TSPAN15: variants seen among roughly 807,000 people sequenced by gnomAD.
TSPAN15 encodes the protein tetraspanin-15.
In TSPAN15, 20 loss-of-function variants were observed where a neutral mutation model predicts 34.5. The observed-to-expected ratio is 0.58, with a 90% CI of 0.41 to 0.84. The LOEUF (loss-of-function observed/expected upper bound fraction) is 0.84. Among genes scored for constraint, TSPAN15 ranks in the 40% least tolerant of loss-of-function variants. The pLI, the probability that TSPAN15 is intolerant of heterozygous loss-of-function variation, is 0.00. For missense variants in TSPAN15, 313 were observed against 386.1 expected (o/e 0.81, Z 1.59); for synonymous variants, 155 against 153.9 (o/e 1.01, Z -0.05).
At chr10:69,539,514 G>A in the TSPAN15 span, among the ~76,000 whole-genome samples, 1 of 101,704 alleles carries the variant, frequency 9.8e-6, no homozygotes, top group Admixed American at 9.9e-5. Flanking sequence ...AGAAGAAGAA[G>A]AAGAAGAAGA....
chr10:69,527,921 G>A, the TSPAN15 span, among the ~76,000 whole-genome samples: 3 of 147,878 alleles, frequency 2.0e-5, no homozygotes, highest in African/African-American at 7.4e-5. Flanking sequence ...CTTTGATGAC[G>A]GTTATATATA....
the TSPAN15 span, among the ~76,000 whole-genome samples, chr10:69,526,708 G>C: frequency 3.6e-5 from 5 of 140,528 alleles, no homozygotes; most frequent in Admixed American, 7.7e-5. Context: ...GAGGATTGTT[G>C]GAGACTGGGA....
At chr10:69,511,343 G>C (rs1302419007), downstream of TSPAN15, among the ~76,000 whole-genome samples, 2 of 152,098 alleles carry the variant, frequency 1.3e-5, no homozygotes, top group Non-Finnish European at 1.5e-5. Context: ...ATTTCTTCTA[G>C]ATTTTCTAGT....
At chr10:69,491,487 TGAG>T (rs1026250388) in intron 3 of TSPAN15, among the ~76,000 whole-genome samples, 1 of 152,112 alleles carries the variant, frequency 6.6e-6, no homozygotes, top group African/African-American at 2.4e-5. Context: ...CTTAGCCTCC[TGAG>T]TAGTTGGGAC....
the TSPAN15 span, among the ~76,000 whole-genome samples, chr10:69,519,356 G>A: frequency 6.6e-6 from 1 of 152,182 alleles, no homozygotes; most frequent in African/African-American, 2.4e-5. Context: ...GGAAGTCGAG[G>A]CTGCAGTGAG....
the TSPAN15 span, among the ~76,000 whole-genome samples, chr10:69,520,549 G>A: frequency 8.5e-5 from 13 of 152,160 alleles, no homozygotes; most frequent in African/African-American, 2.9e-4. Flanking sequence ...CTAGCTACTC[G>A]GGAGGCTGAG....
chr10:69,532,713 C>G, the TSPAN15 span, among the ~76,000 whole-genome samples: 58 of 152,236 alleles, frequency 3.8e-4, 1 homozygote, highest in South Asian at 4.1e-3. Context: ...CTTTGCACAG[C>G]AAAGGAACAG....
chr10:69,503,793 C>G (rs969310401), intron 5 of TSPAN15, among the ~76,000 whole-genome samples: 1 of 152,182 alleles, frequency 6.6e-6, no homozygotes, highest in African/African-American at 2.4e-5. Context: ...TGGGAAGTGC[C>G]CGCGGCAGCC....
the TSPAN15 span, among the ~76,000 whole-genome samples, chr10:69,526,014 T>G: frequency 2.7e-5 from 4 of 146,252 alleles, no homozygotes; most frequent in Admixed American, 7.1e-5. Flanking sequence ...GTGAAAAAAT[T>G]TAATAAAACC....
chr10:69,482,786 A>C (rs1358119100), intron 1 of TSPAN15, among the ~76,000 whole-genome samples: 1 of 152,314 alleles, frequency 6.6e-6, no homozygotes, highest in East Asian at 1.9e-4. Context: ...CCCTCCAGCC[A>C]GTGGCATTTC....
intron 5 of TSPAN15, among the ~76,000 whole-genome samples, chr10:69,500,136 G>A (rs1015619586): frequency 5.3e-5 from 8 of 152,188 alleles, no homozygotes; most frequent in Non-Finnish European, 7.4e-5. Flanking sequence ...AGGTCATCTT[G>A]TCCAGGAAGG....
chr10:69,491,159 G>A (rs1321464279), intron 3 of TSPAN15, among the ~76,000 whole-genome samples: 1 of 152,310 alleles, frequency 6.6e-6, no homozygotes, highest in Admixed American at 6.5e-5. Flanking sequence ...CACTCCACAC[G>A]CCCCTTCCCA....
the TSPAN15 span, among the ~76,000 whole-genome samples, chr10:69,529,676 A>T: frequency 6.8e-6 from 1 of 147,500 alleles, no homozygotes; most frequent in Non-Finnish European, 1.5e-5. Flanking sequence ...TTATGTGTCT[A>T]CTATCTTTAT....
At chr10:69,532,213 C>A in the TSPAN15 span, among the ~76,000 whole-genome samples, 1 of 152,144 alleles carries the variant, frequency 6.6e-6, no homozygotes, top group Admixed American at 6.5e-5. Flanking sequence ...AAAGAGCCCA[C>A]ATAGCCAAAG....
Position 69,506,106 on chromosome 10 carries a change from C to G in TSPAN15, c.619-18C>G, listed in dbSNP as rs749221465. 2.5e-6 allele frequency: 4 copies of G among 1,611,124 alleles called. No individual in the cohort carries two copies. In the South Asian group the frequency reaches 3.3e-5, roughly 13 times the overall value. ...GCCGAGGTCCTCTGCTGGGCTGACC[C>G]AGCTCCTTCCCATGCAGCGTTTCAG... On this transcript the variant is annotated intron_variant, in intron 6 of 7. Transcript: ENST00000373290. This position sits in a 1 kb window ranked among gnomAD's most constrained non-coding sequence, Gnocchi z 4.7.
At chr10:69,488,243 T>C (rs1274833342) in intron 3 of TSPAN15, among the ~76,000 whole-genome samples, 1 of 152,114 alleles carries the variant, frequency 6.6e-6, no homozygotes, top group Non-Finnish European at 1.5e-5. Flanking sequence ...TAATGTGATA[T>C]GATTTTGTAA....
downstream of TSPAN15, among the ~76,000 whole-genome samples, chr10:69,508,166 G>A (rs770433303): frequency 4.1e-4 from 63 of 152,100 alleles, 1 homozygote; most frequent in East Asian, 1.9e-4. Context: ...GCAAGAGGCC[G>A]GGCATGGTGG....
chr10:69,492,068 T>C (rs966787019), intron 3 of TSPAN15, among the ~76,000 whole-genome samples: 4 of 152,204 alleles, frequency 2.6e-5, no homozygotes, highest in Non-Finnish European at 5.9e-5. Flanking sequence ...CCTTGTGGCT[T>C]TTGATGTTTG....
chr10:69,508,999 G>T (rs1327680664), downstream of TSPAN15, among the ~76,000 whole-genome samples: 14 of 152,234 alleles, frequency 9.2e-5, no homozygotes, highest in African/African-American at 2.9e-4. Context: ...TGGACACAAG[G>T]CCAGGTCAAG....
Sources: gnomAD v4.1 joint callset for allele counts (sites outside exome capture counted in the v4.1 genomes callset) on GRCh38, gnomAD v4.1.1 for gene constraint, Gnocchi (gnomAD v3.1) non-coding constraint, MANE v1.5 for transcripts, NCBI Gene and HGNC (gene_info 2026-07-23, HGNC 2026-07-21) for gene names.